RBFOX1: variants seen among roughly 807,000 people sequenced by gnomAD.
RBFOX1 encodes the protein RNA binding fox-1 homolog 1, also known as RNA binding protein fox-1 homolog 1.
Under a neutral mutation model 57.7 loss-of-function variants are expected in RBFOX1, and 8 were observed. The observed-to-expected ratio is 0.14, with a 90% CI of 0.08 to 0.25. The LOEUF (loss-of-function observed/expected upper bound fraction) is 0.25. Ranked by LOEUF, RBFOX1 falls within the 10% of genes least tolerant of loss-of-function variation. The pLI, the probability that RBFOX1 is intolerant of heterozygous loss-of-function variation, is 1.00. For synonymous variants in RBFOX1, 326 were observed against 222.4 expected (o/e 1.47, Z -4.15); for missense variants, 611 against 548.5 (o/e 1.11, Z -1.14).
At chr16:6,430,684 C>T (rs2094053916) in intron 2 of RBFOX1, among the ~76,000 whole-genome samples, 2 of 152,008 alleles carry the variant, frequency 1.3e-5, no homozygotes, top group Non-Finnish European at 2.9e-5. Context: ...GCTTTGAATG[C>T]TGTGATGGGA....
intron 2 of RBFOX1, among the ~76,000 whole-genome samples, chr16:6,386,098 G>T (rs1302374360): frequency 1.3e-5 from 2 of 152,100 alleles, no homozygotes; most frequent in Admixed American, 1.3e-4. Flanking sequence ...ACCGCGCCCG[G>T]CTAACTTTTT....
chr16:7,196,949 A>G (rs1224709302), intron 4 of RBFOX1, among the ~76,000 whole-genome samples: 1 of 152,238 alleles, frequency 6.6e-6, no homozygotes, highest in East Asian at 1.9e-4. Context: ...TCTGAAATAT[A>G]TAAATCCAGT....
chr16:7,327,873 G>A (rs944852989), intron 4 of RBFOX1, among the ~76,000 whole-genome samples: 3 of 151,780 alleles, frequency 2.0e-5, no homozygotes, highest in Non-Finnish European at 4.4e-5. Flanking sequence ...CCCCTTCTGT[G>A]GACTGGACTT....
intron 3 of RBFOX1, among the ~76,000 whole-genome samples, chr16:6,784,557 C>A (rs2081595461): frequency 6.6e-6 from 1 of 152,090 alleles, no homozygotes; most frequent in African/African-American, 2.4e-5. Context: ...CTCAAGACAA[C>A]CATTTTGAAT....
At chr16:7,484,367 G>A (rs1443458292) in intron 4 of RBFOX1, among the ~76,000 whole-genome samples, 1 of 152,188 alleles carries the variant, frequency 6.6e-6, no homozygotes, top group Non-Finnish European at 1.5e-5. Flanking sequence ...AATGCTGGGA[G>A]ACATGGTAAG....
At chr16:5,605,371 C>G (rs112837555) in intron 3 of RBFOX1, among the ~76,000 whole-genome samples, 1 of 152,126 alleles carries the variant, frequency 6.6e-6, no homozygotes, top group African/African-American at 2.4e-5. Flanking sequence ...CATTTATAGA[C>G]GGCAGTCAGA....
At chr16:7,238,656 A>G (rs11859450) in intron 4 of RBFOX1, among the ~76,000 whole-genome samples, 2,791 of 152,188 alleles carry the variant, frequency 0.018, 94 homozygotes, top group African/African-American at 0.064. Flanking sequence ...CTTTTATTTT[A>G]TCTTCAGGGG....
chr16:7,434,484 A>G (rs1016155777), intron 4 of RBFOX1, among the ~76,000 whole-genome samples: 1 of 151,964 alleles, frequency 6.6e-6, no homozygotes, highest in Non-Finnish European at 1.5e-5. Context: ...TAAAATAAAT[A>G]AATAAATAAA....
intron 4 of RBFOX1, among the ~76,000 whole-genome samples, chr16:7,067,110 A>G (rs941264066): frequency 1.8e-4 from 27 of 152,304 alleles, no homozygotes; most frequent in Middle Eastern, 6.8e-3. Flanking sequence ...AGGGGAACTC[A>G]TATGCCAGCG....
At chr16:7,637,176 T>C (rs2061903855) in intron 11 of RBFOX1, among the ~76,000 whole-genome samples, 1 of 151,856 alleles carries the variant, frequency 6.6e-6, no homozygotes, top group South Asian at 2.1e-4. Flanking sequence ...AAAGCCAGAG[T>C]TGAACAGTAG....
At chr16:5,501,408 A>C (rs1447998871) in intron 2 of RBFOX1, among the ~76,000 whole-genome samples, 1 of 152,002 alleles carries the variant, frequency 6.6e-6, no homozygotes, top group Non-Finnish European at 1.5e-5. Context: ...AAATGAATGA[A>C]TAGCAGACAA....
chr16:6,400,869 A>T (rs1039862273), intron 2 of RBFOX1, among the ~76,000 whole-genome samples: 3 of 152,210 alleles, frequency 2.0e-5, no homozygotes, highest in African/African-American at 4.8e-5. Context: ...CATTCCAGTG[A>T]AAGAGCAAGA....
intron 4 of RBFOX1, among the ~76,000 whole-genome samples, chr16:5,941,071 G>T (rs1296223674): frequency 1.3e-5 from 2 of 152,134 alleles, no homozygotes; most frequent in African/African-American, 4.8e-5. Flanking sequence ...GCAAATCCTG[G>T]AACACATTGC....
At chr16:5,609,827 C>T (rs768762572) in intron 3 of RBFOX1, among the ~76,000 whole-genome samples, 11 of 98,766 alleles carry the variant, frequency 1.1e-4, no homozygotes, top group Non-Finnish European at 1.6e-4. Flanking sequence ...CTAGGAGCTG[C>T]GGAGAGGGTA....
At chr16:5,893,359 C>A (rs1163834204) in intron 4 of RBFOX1, among the ~76,000 whole-genome samples, 3 of 152,142 alleles carry the variant, frequency 2.0e-5, no homozygotes, top group African/African-American at 4.8e-5. Flanking sequence ...GCTAGCATAA[C>A]AGGGAGACTA....
chr16:6,481,107 A>T (rs2095364880), intron 2 of RBFOX1, among the ~76,000 whole-genome samples: 1 of 152,206 alleles, frequency 6.6e-6, no homozygotes, highest in Admixed American at 6.5e-5. Flanking sequence ...GTACTAGTAA[A>T]TCAGCTTCCC....
intron 3 of RBFOX1, among the ~76,000 whole-genome samples, chr16:6,779,434 T>C (rs13334280): frequency 0.091 from 13,848 of 151,800 alleles, 976 homozygotes; most frequent in East Asian, 0.23. Context: ...ACACTCAGGT[T>C]GATTTCATAA....
intron 3 of RBFOX1, among the ~76,000 whole-genome samples, chr16:6,829,891 C>T: frequency 6.6e-6 from 1 of 152,040 alleles, no homozygotes; most frequent in Non-Finnish European, 1.5e-5. Context: ...TGTAAACCAC[C>T]ATGCCCAGCC....
chr16:5,906,477 G>T (rs1205986124), intron 4 of RBFOX1, among the ~76,000 whole-genome samples: 1 of 152,170 alleles, frequency 6.6e-6, no homozygotes, highest in Admixed American at 6.5e-5. Flanking sequence ...AACCAAACCT[G>T]CCAACGCCTT....
Sources: allele counts gnomAD v4.1 joint callset (sites outside exome capture counted in the v4.1 genomes callset), GRCh38; gene constraint gnomAD v4.1.1; transcripts MANE v1.5; gene names NCBI Gene and HGNC (gene_info 2026-07-23, HGNC 2026-07-21).